The following ZDHHC14 variants were observed in gnomAD, a reference collection of about 807,000 sequenced individuals.
ZDHHC14 encodes the protein palmitoyltransferase ZDHHC14.
In ZDHHC14, 16 loss-of-function variants were observed where a neutral mutation model predicts 47.7. The ratio of observed to expected loss-of-function variants is 0.34; its 90% CI spans 0.23 to 0.51. The LOEUF (loss-of-function observed/expected upper bound fraction) is 0.51, where lower values mean the gene tolerates loss of function less well. Among genes scored for constraint, ZDHHC14 ranks in the 20% least tolerant of loss-of-function variants. ZDHHC14 has a pLI of 0.97. For missense variants in ZDHHC14, 515 were observed against 662.5 expected (o/e 0.78, Z 2.44); for synonymous variants, 293 against 278.9 (o/e 1.05, Z -0.50).
At chr6:157,581,289 A>T (rs1783511007) in intron 2 of ZDHHC14, among the ~76,000 whole-genome samples, 2 of 141,532 alleles carry the variant, frequency 1.4e-5, no homozygotes, top group African/African-American at 5.2e-5. Context: ...TTGAAAGTGT[A>T]GTTGGTATGT....
chr6:157,454,498 C>CTT (rs5881212), intron 1 of ZDHHC14, among the ~76,000 whole-genome samples: 24 of 127,672 alleles, frequency 1.9e-4, no homozygotes, highest in African/African-American at 6.5e-4. Context: ...GCAGCTTCTT[C>CTT]TTTTTTTTTT....
intron 1 of ZDHHC14, among the ~76,000 whole-genome samples, chr6:157,512,630 C>T (rs1034789072): frequency 6.6e-6 from 1 of 152,050 alleles, no homozygotes; most frequent in Non-Finnish European, 1.5e-5. Flanking sequence ...ATAGCTTGAG[C>T]CCAGGAGTTC....
At chr6:157,564,954 G>A (rs1782845505) in intron 2 of ZDHHC14, among the ~76,000 whole-genome samples, 1 of 152,180 alleles carries the variant, frequency 6.6e-6, no homozygotes, top group Non-Finnish European at 1.5e-5. Flanking sequence ...TCCAAAGTAA[G>A]AATATTTGGG....
chr6:157,487,177 G>T (rs1350594856), intron 1 of ZDHHC14, among the ~76,000 whole-genome samples: 1 of 152,220 alleles, frequency 6.6e-6, no homozygotes, highest in Non-Finnish European at 1.5e-5. Flanking sequence ...CCCGGCCCTG[G>T]CCACCTTGCC....
intron 1 of ZDHHC14, among the ~76,000 whole-genome samples, chr6:157,391,968 T>C (rs986862849): frequency 1.1e-4 from 17 of 152,262 alleles, no homozygotes; most frequent in Admixed American, 7.9e-4. Flanking sequence ...CCCAGTTTAT[T>C]CGTCTCTTTT....
chr6:157,491,694 C>A (rs758018568), intron 1 of ZDHHC14, among the ~76,000 whole-genome samples: 2 of 152,138 alleles, frequency 1.3e-5, no homozygotes, highest in African/African-American at 4.8e-5. Flanking sequence ...GGCCTGGGGC[C>A]GTCATTTGGC....
intron 1 of ZDHHC14, among the ~76,000 whole-genome samples, chr6:157,515,563 A>T (rs1367777968): frequency 6.9e-6 from 1 of 144,770 alleles, no homozygotes; most frequent in African/African-American, 2.6e-5. Context: ...TCCCGAGTTC[A>T]CGCCATTCTC....
intron 1 of ZDHHC14, among the ~76,000 whole-genome samples, chr6:157,426,355 A>G (rs1778220246): frequency 6.6e-6 from 1 of 152,214 alleles, no homozygotes; most frequent in South Asian, 2.1e-4. Context: ...AAGAGAGGCA[A>G]TTTTAAGGGA....
At chr6:157,438,924 G>T (rs1778501712) in intron 1 of ZDHHC14, among the ~76,000 whole-genome samples, 1 of 152,204 alleles carries the variant, frequency 6.6e-6, no homozygotes. Flanking sequence ...TGTCTGGGCG[G>T]TAGAGAGTGC....
chr6:157,536,834 T>C (rs1252593541), intron 1 of ZDHHC14, among the ~76,000 whole-genome samples: 1 of 94,186 alleles, frequency 1.1e-5, no homozygotes, highest in African/African-American at 5.2e-5. Flanking sequence ...TTTTTTTTTT[T>C]TTGAGACAGA....
At chr6:157,382,403 T>C in intron 1 of ZDHHC14, 137 bp downstream of exon 1, 1 of 1,084,844 alleles carries the variant, frequency 9.2e-7, no homozygotes, top group South Asian at 1.6e-5. Flanking sequence ...GCGCTCCCTC[T>C]TTTTTCTTTT....
intron 7 of ZDHHC14, among the ~76,000 whole-genome samples, chr6:157,650,101 G>A (rs56714582): frequency 0.13 from 16,790 of 127,916 alleles, 2,505 homozygotes; most frequent in African/African-American, 0.22. Flanking sequence ...CTCTGTGCCA[G>A]GCACTGGGGG....
At chr6:157,515,105 G>T (rs954586455) in intron 1 of ZDHHC14, among the ~76,000 whole-genome samples, 3 of 152,178 alleles carry the variant, frequency 2.0e-5, no homozygotes, top group African/African-American at 7.2e-5. Context: ...TGGCTAGAAG[G>T]TTGCTTGGTG....
At chr6:157,477,680 A>T (rs1779526764) in intron 1 of ZDHHC14, among the ~76,000 whole-genome samples, 1 of 152,204 alleles carries the variant, frequency 6.6e-6, no homozygotes, top group African/African-American at 2.4e-5. Context: ...GACACTGACA[A>T]AGATGGGTTA....
At chr6:157,588,040 A>T (rs2114884054) in intron 2 of ZDHHC14, among the ~76,000 whole-genome samples, 1 of 152,296 alleles carries the variant, frequency 6.6e-6, no homozygotes, top group South Asian at 2.1e-4. Context: ...GGGCCACCTG[A>T]GGTCAGGAGT....
At chr6:157,583,599 C>T (rs142889765) in intron 2 of ZDHHC14, among the ~76,000 whole-genome samples, 3,845 of 151,890 alleles carry the variant, frequency 0.025, 181 homozygotes, top group African/African-American at 0.088. Flanking sequence ...GGCACTTAAA[C>T]GTAAGGGCCA....
intron 2 of ZDHHC14, chr6:157,592,693 G>A (rs749547): frequency 0.22 from 245,860 of 1,095,442 alleles, 29,230 homozygotes; most frequent in African/African-American, 0.39. Context: ...GGAGGGGAGG[G>A]GGAAGGAGGA....
intron 4 of ZDHHC14, chr6:157,630,588 TCACA>T (rs556001777): frequency 1.6e-5 from 2 of 123,180 alleles, no homozygotes; most frequent in African/African-American, 3.1e-5. Context: ...CCTTACACAC[TCACA>T]CTCACGGTAG....
chr6:157,424,581 G>A (rs1245390151), intron 1 of ZDHHC14, among the ~76,000 whole-genome samples: 2 of 152,150 alleles, frequency 1.3e-5, no homozygotes, highest in Admixed American at 6.5e-5. Context: ...GTGGTGCTTC[G>A]CTTGGCTATG....
Sources: gnomAD v4.1 joint callset for allele counts (sites outside exome capture counted in the v4.1 genomes callset) on GRCh38, gnomAD v4.1.1 for gene constraint, MANE v1.5 for transcripts, NCBI Gene and HGNC (gene_info 2026-07-23, HGNC 2026-07-21) for gene names.